NEGR1: variants seen among roughly 807,000 people sequenced by gnomAD.
NEGR1 encodes IgLON family member 4.
A neutral mutation model predicts 40.9 loss-of-function variants in NEGR1; 10 were observed. That is an observed-to-expected ratio of 0.24 (90% confidence interval 0.15 to 0.42). The LOEUF (loss-of-function observed/expected upper bound fraction) is 0.42, where lower values mean the gene tolerates loss of function less well. NEGR1 is among the 10% of genes least tolerant of loss of function. The probability of loss-of-function intolerance (pLI) is 1.00; values close to 1 mark genes in which losing one functional copy is unlikely to be tolerated. For synonymous variants in NEGR1, 185 were observed against 166.8 expected, an observed-to-expected ratio of 1.11 and a Z score of -0.84; for missense variants, 352 against 438.9, an observed-to-expected ratio of 0.80 and a Z score of 1.77.
Position 71,537,573 on chromosome 1 carries a change from T to A in NEGR1, c.940+55244A>T, listed in dbSNP as rs554370847. ...AAAGAGTTTACACACAATTTTCCAA[T>A]CTTGTTCTCACATTTTAAGCCAACA... is the stretch of plus-strand genomic sequence containing the variant. On this transcript the variant is annotated intron_variant, in intron 6 of 6. Transcript: ENST00000357731. 5.9e-5 allele frequency among the ~76,000 whole-genome samples: 9 copies of A among 151,844 alleles called. No individual in the cohort carries two copies. The East Asian group carries it at 1.8e-3, about 30-fold the overall frequency.
intron 1 of NEGR1, among the ~76,000 whole-genome samples, chr1:72,127,703 C>T (rs971711987): frequency 6.6e-6 from 1 of 151,940 alleles, no homozygotes; most frequent in African/African-American, 2.4e-5. Flanking sequence ...CTGTCTTCAG[C>T]GCATCTACAT....
intron 1 of NEGR1, among the ~76,000 whole-genome samples, chr1:72,106,607 C>T (rs898348826): frequency 1.3e-5 from 2 of 151,904 alleles, no homozygotes; most frequent in Non-Finnish European, 2.9e-5. Flanking sequence ...TTAAAAATGA[C>T]AGATTACAAA....
intron 6 of NEGR1, among the ~76,000 whole-genome samples, chr1:71,524,131 T>C (rs1467809081): frequency 6.6e-6 from 1 of 151,842 alleles, no homozygotes; most frequent in African/African-American, 2.4e-5. Context: ...GGAAAGAAAC[T>C]ATTTCCTACA....
chr1:71,739,218 CAAAAAA>C (rs538547056), intron 3 of NEGR1, among the ~76,000 whole-genome samples: 28 of 123,968 alleles, frequency 2.3e-4, no homozygotes, highest in African/African-American at 9.0e-4. Flanking sequence ...AAAAAAAAAA[CAAAAAA>C]AAAAAACGTG....
intron 2 of NEGR1, among the ~76,000 whole-genome samples, chr1:71,869,400 A>T (rs1660212971): frequency 6.6e-6 from 1 of 152,192 alleles, no homozygotes; most frequent in Admixed American, 6.6e-5. Context: ...CAAAAATACT[A>T]AAATACAGCT....
chr1:71,769,966 T>C (rs1333024742), intron 3 of NEGR1, among the ~76,000 whole-genome samples: 1 of 152,178 alleles, frequency 6.6e-6, no homozygotes, highest in Non-Finnish European at 1.5e-5. Flanking sequence ...GTTAACAATT[T>C]TTTCTAAGAT....
intron 1 of NEGR1, among the ~76,000 whole-genome samples, chr1:71,999,632 A>AATATATATATATATATATATAT (rs528857972): frequency 4.1e-5 from 2 of 48,380 alleles, no homozygotes; most frequent in Admixed American, 3.1e-4. Flanking sequence ...GAGCAAAGCA[A>AATATATATATATATATATATAT]ATATATATAT....
At chr1:71,681,350 A>G (rs1652831394) in intron 4 of NEGR1, among the ~76,000 whole-genome samples, 1 of 152,106 alleles carries the variant, frequency 6.6e-6, no homozygotes, top group South Asian at 2.1e-4. Flanking sequence ...TTGTCAAAAG[A>G]TCTTTTTATA....
chr1:72,260,198 C>T (rs191142552), intron 1 of NEGR1, among the ~76,000 whole-genome samples: 2 of 152,110 alleles, frequency 1.3e-5, no homozygotes, highest in East Asian at 3.9e-4. Flanking sequence ...CTAGATTACT[C>T]TGACTTTGAA....
At chr1:71,885,315 C>CA (rs1489539677) in intron 2 of NEGR1, among the ~76,000 whole-genome samples, 10 of 152,220 alleles carry the variant, frequency 6.6e-5, no homozygotes, top group Non-Finnish European at 1.2e-4. Context: ...AGAGAACACT[C>CA]ACATTATTTT....
intron 3 of NEGR1, among the ~76,000 whole-genome samples, chr1:71,748,900 A>G (rs1479107018): frequency 6.6e-6 from 1 of 152,162 alleles, no homozygotes; most frequent in Non-Finnish European, 1.5e-5. Context: ...AGACTTATCA[A>G]AGAAAATTAT....
In NEGR1 at chr1:72,081,624, A is replaced by C. The variant is rs2100528884; in HGVS notation, c.177-146313T>G. Among the ~76,000 whole-genome samples, 2 of 152,212 alleles carry C rather than the reference A, an allele frequency of 1.3e-5. 1 individual carries two copies. The highest frequency in any genetic ancestry group is 4.2e-4 in the South Asian group (2 of 4,818). ...CATCATTGTATCCTATGAAATAAGC[A>C]CAGTGCCCAGCACTCAAGAGGTGAA... is the stretch of plus-strand genomic sequence containing the variant. On this transcript the variant is annotated intron_variant, in intron 1 of 6. Coordinates refer to ENST00000357731, the MANE Select transcript of NEGR1 (RefSeq NM_173808.3).
chr1:72,215,063 C>T (rs922828619), intron 1 of NEGR1, among the ~76,000 whole-genome samples: 4 of 152,016 alleles, frequency 2.6e-5, no homozygotes, highest in African/African-American at 9.7e-5. Context: ...TAACACCACA[C>T]ATTTACCACC....
At chr1:72,196,801 T>G (rs975485580) in intron 1 of NEGR1, among the ~76,000 whole-genome samples, 27 of 151,264 alleles carry the variant, frequency 1.8e-4, no homozygotes, top group African/African-American at 5.6e-4. Flanking sequence ...AAAAATGACT[T>G]ACATGTAACT....
At chr1:71,787,322 T>C (rs1436616966) in intron 2 of NEGR1, among the ~76,000 whole-genome samples, 1 of 152,168 alleles carries the variant, frequency 6.6e-6, no homozygotes, top group Non-Finnish European at 1.5e-5. Flanking sequence ...CAGAAATAGA[T>C]GATAAAACTT....
chr1:71,834,816 T>G (rs1453911288), intron 2 of NEGR1, among the ~76,000 whole-genome samples: 3 of 151,542 alleles, frequency 2.0e-5, no homozygotes, highest in Admixed American at 6.6e-5. Flanking sequence ...TATGTTACAA[T>G]AACAGAGTTT....
At chr1:71,959,807 A>C (rs558220355) in intron 1 of NEGR1, among the ~76,000 whole-genome samples, 60 of 152,192 alleles carry the variant, frequency 3.9e-4, no homozygotes, top group African/African-American at 1.0e-3. Flanking sequence ...TTATTTTTTC[A>C]ATGACGTTTT....
intron 1 of NEGR1, among the ~76,000 whole-genome samples, chr1:72,063,301 C>G (rs549549814): frequency 6.6e-6 from 1 of 151,948 alleles, no homozygotes; most frequent in Admixed American, 6.6e-5. Context: ...ATATAATTGA[C>G]TTGCCTTAGG....
intron 1 of NEGR1, among the ~76,000 whole-genome samples, chr1:72,246,830 G>A (rs1246714760): frequency 6.6e-6 from 1 of 152,196 alleles, no homozygotes; most frequent in Non-Finnish European, 1.5e-5. Flanking sequence ...CCTTACAAAG[G>A]CTTCTTTCTG....
Sources: gnomAD v4.1 joint callset for allele counts (sites outside exome capture counted in the v4.1 genomes callset) on GRCh38, gnomAD v4.1.1 for gene constraint, MANE v1.5 for transcripts, NCBI Gene and HGNC (gene_info 2026-07-23, HGNC 2026-07-21) for gene names.